Variants in CAMTA1 observed in about 807,000 individuals in gnomAD.
CAMTA1 encodes the protein calmodulin binding transcription activator 1.
Under a neutral mutation model 170.9 loss-of-function variants are expected in CAMTA1, and 27 were observed. The ratio of observed to expected loss-of-function variants is 0.16; its 90% confidence interval spans 0.12 to 0.22. The LOEUF is 0.22. Ranked by LOEUF, CAMTA1 falls within the 10% of genes least tolerant of loss-of-function variation. The pLI, the probability that CAMTA1 is intolerant of heterozygous loss-of-function variation, is 1.00. For missense variants in CAMTA1, 1,619 were observed against 2,217.2 expected (o/e 0.73, Z 5.42); for synonymous variants, 833 against 891.5 (o/e 0.93, Z 1.17).
intron 5 of CAMTA1, among the ~76,000 whole-genome samples, chr1:7,457,330 T>C (rs1014605215): frequency 6.6e-6 from 1 of 152,114 alleles, no homozygotes; most frequent in African/African-American, 2.4e-5. Flanking sequence ...TTTATTGCCC[T>C]CCTCACTCAT....
intron 5 of CAMTA1, among the ~76,000 whole-genome samples, chr1:7,257,446 A>G (rs933164278): frequency 2.0e-5 from 3 of 152,156 alleles, no homozygotes; most frequent in Admixed American, 6.5e-5. Flanking sequence ...GTTGAGTCCT[A>G]TACATTCACA....
chr1:7,108,189 G>T (rs954123789), intron 4 of CAMTA1, among the ~76,000 whole-genome samples: 1 of 152,130 alleles, frequency 6.6e-6, no homozygotes, highest in African/African-American at 2.4e-5. Context: ...AATTCCTACC[G>T]AAGCGCTTGG....
rs923400172 is a variant in CAMTA1 at position 7,093,557 on chromosome 1, C to T, written c.302+2186C>T. Among the ~76,000 whole-genome samples the T allele has an allele frequency of 2.6e-5, 4 of 152,192 alleles. No homozygotes were observed. Among genetic ancestry groups the T allele is most frequent in the Non-Finnish European group, 5.9e-5 (4 of 68,034 alleles). ...ACATCTGATTTCAGATACGCAGACC[C>T]GTGCTGGGTTTCAGCCACCCTTTGA... On this transcript the variant is annotated intron_variant, in intron 4 of 22. Coordinates refer to ENST00000303635, the MANE Select transcript of CAMTA1 (RefSeq NM_015215.4). The surrounding 1 kb of genome is among the most constrained non-coding windows in gnomAD (Gnocchi z 4.6).
chr1:7,138,059 C>T (rs538574567), intron 4 of CAMTA1, among the ~76,000 whole-genome samples: 15 of 152,322 alleles, frequency 9.8e-5, no homozygotes, highest in African/African-American at 3.4e-4. Flanking sequence ...AATCATGGCT[C>T]ACTGCAGCCT....
At position 7,562,867 on chromosome 1, in the gene CAMTA1, C is replaced by T. The variant is rs558979768; in HGVS notation, c.511-77533C>T. Among the ~76,000 whole-genome samples the T allele has an allele frequency of 2.6e-5, 4 of 152,212 alleles. No homozygotes were observed. The highest frequency in any genetic ancestry group is 4.4e-5 in the Non-Finnish European group (3 of 68,030). ...CACCGCCCACTCACCTGCAGCCTGTCAACAGCCAGCTCCGGGACTCTCCCA... is the reference window on the plus strand; with the variant it reads ...CACCGCCCACTCACCTGCAGCCTGTTAACAGCCAGCTCCGGGACTCTCCCA... On this transcript the variant is annotated intron_variant, in intron 6 of 22. Transcript: ENST00000303635. The surrounding 1 kb of genome is among the most constrained non-coding windows in gnomAD (Gnocchi z 4.8).
At position 7,052,404 on chromosome 1, in the gene CAMTA1, A is replaced by C. The variant is rs140034282; in HGVS notation, c.235-38900A>C. Among the ~76,000 whole-genome samples the C allele has an allele frequency of 3.8e-3, 583 of 151,954 alleles. 3 individuals are homozygous for C. The highest frequency in any genetic ancestry group is 0.013 in the African/African-American group (553 of 41,414). Reference sequence around the variant, plus strand: ...CTGTGGCTTCCTGCTTTACCATCTCAGGTTCCAGAAGCCCATTCAGACTAC... The same window carrying C: ...CTGTGGCTTCCTGCTTTACCATCTCCGGTTCCAGAAGCCCATTCAGACTAC... On this transcript the variant is annotated intron_variant, in intron 3 of 22. Coordinates refer to ENST00000303635, the MANE Select transcript of CAMTA1 (RefSeq NM_015215.4).
intron 8 of CAMTA1, 22 bp from the exon 9 acceptor site, chr1:7,663,331 T>G: frequency 6.6e-7 from 1 of 1,516,856 alleles, no homozygotes; most frequent in South Asian, 1.3e-5. Flanking sequence ...TGCGTGCGCG[T>G]GTTGTGTTCC....
intron 1 of CAMTA1, among the ~76,000 whole-genome samples, chr1:6,803,479 T>C (rs1296276033): frequency 6.6e-6 from 1 of 152,204 alleles, no homozygotes; most frequent in Non-Finnish European, 1.5e-5. Flanking sequence ...ACAGGTGGAA[T>C]ACTGTGAAAG....
At chr1:7,011,743 G>T (rs528710636) in intron 3 of CAMTA1, among the ~76,000 whole-genome samples, 2 of 152,256 alleles carry the variant, frequency 1.3e-5, no homozygotes, top group African/African-American at 4.8e-5. Flanking sequence ...ACCTCTACAA[G>T]GCGAGAAACT....
chr1:7,167,747 T>TAATTAATTA (rs1318203660), intron 4 of CAMTA1, among the ~76,000 whole-genome samples: 1 of 152,076 alleles, frequency 6.6e-6, no homozygotes, highest in Non-Finnish European at 1.5e-5. Context: ...ATTGGTTAAT[T>TAATTAATTA]AATTAATTAA....
chr1:7,354,473 A>G (rs554306279), intron 5 of CAMTA1, among the ~76,000 whole-genome samples: 2 of 152,130 alleles, frequency 1.3e-5, no homozygotes, highest in South Asian at 4.2e-4. Context: ...TATCCAATCC[A>G]GTGTTCATGG....
intron 3 of CAMTA1, among the ~76,000 whole-genome samples, chr1:6,879,618 T>C (rs966467657): frequency 4.0e-5 from 6 of 150,294 alleles, no homozygotes; most frequent in Non-Finnish European, 7.4e-5. Flanking sequence ...TTTTTCTTTT[T>C]TTTTTTTTTT....
In CAMTA1 at chr1:7,765,808, C is replaced by T. The variant is rs185278506; in HGVS notation, c.4990-651C>T. Among the ~76,000 whole-genome samples, 15 of 152,152 alleles carry T rather than the reference C, an allele frequency of 9.9e-5. No homozygotes were observed. The East Asian group carries it at 2.5e-3, about 26-fold the overall frequency. ...TTTGGGAGGCTGGGTGGGCGGATCA[C>T]GAGGTCAGGAGATCGAAACCATCCT... On this transcript the variant is annotated intron_variant, in intron 22 of 22. Coordinates refer to ENST00000303635, the MANE Select transcript of CAMTA1 (RefSeq NM_015215.4).
intron 1 of CAMTA1, among the ~76,000 whole-genome samples, chr1:6,801,138 A>G (rs1643760425): frequency 6.6e-6 from 1 of 152,218 alleles, no homozygotes; most frequent in Non-Finnish European, 1.5e-5. Flanking sequence ...AGATAACTTG[A>G]CCAAATTCAA....
chr1:6,884,347 G>T (rs1672569327), intron 3 of CAMTA1, among the ~76,000 whole-genome samples: 1 of 132,506 alleles, frequency 7.5e-6, no homozygotes, highest in Admixed American at 8.2e-5. Context: ...ATTTTGTTTG[G>T]CTTTGATCCA....
intron 4 of CAMTA1, among the ~76,000 whole-genome samples, chr1:7,218,998 G>A (rs1660247006): frequency 6.6e-6 from 1 of 152,132 alleles, no homozygotes. Flanking sequence ...GACGTGTGCA[G>A]TTATATCAAT....
chr1:7,144,752 T>G lies in CAMTA1; in HGVS notation c.302+53381T>G, dbSNP rs1317412343. Among the ~76,000 whole-genome samples the G allele has an allele frequency of 1.3e-5, 2 of 152,236 alleles. No individual in the cohort carries two copies. The highest frequency in any genetic ancestry group is 1.3e-4 in the Admixed American group (2 of 15,288). On this transcript the variant is annotated intron_variant, in intron 4 of 22. Coordinates refer to ENST00000303635, the MANE Select transcript of CAMTA1 (RefSeq NM_015215.4). The surrounding 1 kb of genome is among the most constrained non-coding windows in gnomAD (Gnocchi z 4.0). ...CTCTATAAGCATCCCAAACTAGTAT[T>G]GATTGACGTCATTTTGGCTAATGGG...
intron 11 of CAMTA1, among the ~76,000 whole-genome samples, chr1:7,720,992 G>A (rs1327090779): frequency 1.3e-5 from 2 of 152,168 alleles, no homozygotes; most frequent in African/African-American, 2.4e-5. Context: ...GGCTGCTCAG[G>A]GTTCTTGCCC....
At chr1:7,340,544 G>GCCTCCCCCCCTC (rs772743867) in intron 5 of CAMTA1, among the ~76,000 whole-genome samples, 2 of 105,426 alleles carry the variant, frequency 1.9e-5, no homozygotes, top group African/African-American at 4.0e-5. Context: ...CTGCCTGCCT[G>GCCTCCCCCCCTC]CCTGCCTGCC....
Sources: gnomAD v4.1 joint callset for allele counts (sites outside exome capture counted in the v4.1 genomes callset) on GRCh38, gnomAD v4.1.1 for gene constraint, Gnocchi (gnomAD v3.1) non-coding constraint, MANE v1.5 for transcripts, NCBI Gene and HGNC (gene_info 2026-07-23, HGNC 2026-07-21) for gene names.